The following NRXN3 variants were observed in gnomAD, a reference collection of about 807,000 sequenced individuals.
NRXN3 encodes the protein neurexin 3, also known as neurexin III.
A neutral mutation model predicts 137.6 loss-of-function variants in NRXN3; 32 were observed. That is an observed-to-expected ratio of 0.23 (90% CI 0.18 to 0.31). NRXN3 has a LOEUF of 0.31. Among genes scored for constraint, NRXN3 ranks in the 10% least tolerant of loss-of-function variants. The pLI is 1.00. For missense variants in NRXN3, 1,574 were observed against 2,062.5 expected (o/e 0.76, Z 4.59); for synonymous variants, 798 against 784.5 (o/e 1.02, Z -0.29).
chr14:79,844,058 G>C (rs1359022955), intron 20 of NRXN3, among the ~76,000 whole-genome samples: 1 of 152,028 alleles, frequency 6.6e-6, no homozygotes, highest in African/African-American at 2.4e-5. Flanking sequence ...CTCCATCCAA[G>C]TTGCTGCAAA....
intron 15 of NRXN3, among the ~76,000 whole-genome samples, chr14:79,001,731 C>T (rs1054357972): frequency 1.4e-4 from 22 of 152,156 alleles, no homozygotes; most frequent in African/African-American, 5.3e-4. Context: ...TAGCGTGGAC[C>T]TGAGAGTAAA....
chr14:78,402,336 G>A (rs530353739), intron 4 of NRXN3, among the ~76,000 whole-genome samples: 10 of 152,336 alleles, frequency 6.6e-5, no homozygotes, highest in Admixed American at 5.9e-4. Flanking sequence ...ACATTCAGTA[G>A]TGAAAACAAA....
At chr14:79,076,898 C>T (rs908686200) in intron 15 of NRXN3, among the ~76,000 whole-genome samples, 7 of 152,158 alleles carry the variant, frequency 4.6e-5, no homozygotes, top group Non-Finnish European at 8.8e-5. Context: ...TTGCCACCCC[C>T]AGCACATTGC....
In NRXN3 at chr14:79,867,634, G is replaced by A. The variant is rs2099418559; in HGVS notation, c.*5670G>A. 6.6e-6 allele frequency: 1 copy of A among 152,178 alleles called. No homozygotes were observed. The highest frequency in any genetic ancestry group is 2.4e-5 in the African/African-American group (1 of 41,422). The allele number at this position is 152,178 out of a possible 1,614,324, so 9.4% of individuals were successfully genotyped here. On this transcript the variant is annotated 3_prime_UTR_variant, in exon 21 of 21. Transcript: ENST00000335750. ...GGGGTTGGGACTTCAACATATGAATGTTGGAGGGGATATGGTTCTGTTTCT... is the reference window on the plus strand; with the variant it reads ...GGGGTTGGGACTTCAACATATGAATATTGGAGGGGATATGGTTCTGTTTCT...
chr14:78,372,571 C>T (rs1307336556), intron 4 of NRXN3, among the ~76,000 whole-genome samples: 1 of 152,184 alleles, frequency 6.6e-6, no homozygotes, highest in Non-Finnish European at 1.5e-5. Context: ...AAGTGATCCA[C>T]CTACCTTGGT....
chr14:79,841,518 TGG>T (rs2099355774), intron 20 of NRXN3, among the ~76,000 whole-genome samples: 1 of 152,188 alleles, frequency 6.6e-6, no homozygotes, highest in Non-Finnish European at 1.5e-5. Context: ...TAAAGCGTAA[TGG>T]TATCAGTTCA....
chr14:78,567,244 C>A (rs935546525), intron 4 of NRXN3, among the ~76,000 whole-genome samples: 1 of 152,160 alleles, frequency 6.6e-6, no homozygotes, highest in African/African-American at 2.4e-5. Context: ...ATATGCAAAG[C>A]CAGATGGGAG....
chr14:78,661,715 A>T (rs1188300777), intron 6 of NRXN3, among the ~76,000 whole-genome samples: 1 of 152,208 alleles, frequency 6.6e-6, no homozygotes, highest in African/African-American at 2.4e-5. Flanking sequence ...GCAAAGCCTA[A>T]CTCTACTCCC....
At chr14:79,658,274 G>A (rs757558070) in intron 16 of NRXN3, among the ~76,000 whole-genome samples, 2 of 152,088 alleles carry the variant, frequency 1.3e-5, no homozygotes, top group African/African-American at 2.4e-5. Context: ...TATTTACTGA[G>A]CACCTATTCT....
chr14:78,811,483 C>T (rs2098912723), intron 10 of NRXN3, among the ~76,000 whole-genome samples: 1 of 152,176 alleles, frequency 6.6e-6, no homozygotes, highest in South Asian at 2.1e-4. Context: ...CTCCATCCTA[C>T]ATGCAAAGGA....
chr14:79,729,321 G>A (rs538613988), intron 19 of NRXN3, among the ~76,000 whole-genome samples: 1 of 152,056 alleles, frequency 6.6e-6, no homozygotes, highest in African/African-American at 2.4e-5. Context: ...TTGGATTCAA[G>A]TTTTTCCTAT....
chr14:79,560,504 C>CTTTTCTTTTTTTTTTTT (rs536703528), intron 16 of NRXN3, among the ~76,000 whole-genome samples: 13 of 43,768 alleles, frequency 3.0e-4, no homozygotes, highest in Admixed American at 4.2e-4. Context: ...AGATTGTAAG[C>CTTTTCTTTTTTTTTTTT]TTTTTTTTTT....
intron 16 of NRXN3, among the ~76,000 whole-genome samples, chr14:79,648,472 C>T (rs1306361651): frequency 7.4e-6 from 1 of 135,182 alleles, no homozygotes; most frequent in African/African-American, 2.5e-5. Flanking sequence ...TATGTAGTAC[C>T]CACCCCTCAA....
intron 15 of NRXN3, among the ~76,000 whole-genome samples, chr14:79,324,480 C>T (rs2090557623): frequency 1.3e-5 from 2 of 152,018 alleles, no homozygotes; most frequent in Admixed American, 6.6e-5. Context: ...AGTTATATAC[C>T]ATGCATTCTG....
intron 1 of NRXN3, among the ~76,000 whole-genome samples, chr14:78,214,870 G>A (rs1338084353): frequency 1.3e-5 from 2 of 152,144 alleles, no homozygotes; most frequent in South Asian, 2.1e-4. Flanking sequence ...GGGGCCTTGC[G>A]TGGTCACGGA....
At chr14:79,233,706 C>T (rs553503978) in intron 15 of NRXN3, among the ~76,000 whole-genome samples, 99 of 148,002 alleles carry the variant, frequency 6.7e-4, no homozygotes, top group Non-Finnish European at 1.2e-3. Context: ...GTCTGTTGAT[C>T]AGAAACTTTA....
chr14:79,437,141 C>T (rs2153562637), intron 15 of NRXN3, among the ~76,000 whole-genome samples: 1 of 152,238 alleles, frequency 6.6e-6, no homozygotes, highest in Middle Eastern at 3.4e-3. Flanking sequence ...CCCCCACCCA[C>T]ACCTCTACCC....
At chr14:78,260,598 T>G (rs1457592377) in intron 2 of NRXN3, among the ~76,000 whole-genome samples, 3 of 152,300 alleles carry the variant, frequency 2.0e-5, no homozygotes, top group African/African-American at 7.2e-5. Context: ...AATTGAATCA[T>G]GGGGGCAGGT....
At chr14:79,530,393 T>C (rs920748393) in intron 16 of NRXN3, among the ~76,000 whole-genome samples, 8 of 152,074 alleles carry the variant, frequency 5.3e-5, no homozygotes, top group Non-Finnish European at 1.0e-4. Flanking sequence ...TCCTGGGGTA[T>C]GAGTGGAGGG....
Sources: gnomAD v4.1 joint callset for allele counts (sites outside exome capture counted in the v4.1 genomes callset) on GRCh38, gnomAD v4.1.1 for gene constraint, MANE v1.5 for transcripts, NCBI Gene and HGNC (gene_info 2026-07-23, HGNC 2026-07-21) for gene names.